Variants in SRSF4 observed in about 807,000 individuals in gnomAD.
SRSF4 encodes serine and arginine rich splicing factor 4.
Under a neutral mutation model 48.8 loss-of-function variants are expected in SRSF4, and 12 were observed. The observed-to-expected ratio is 0.25, with a 90% confidence interval of 0.16 to 0.40. The LOEUF (loss-of-function observed/expected upper bound fraction) is 0.40. Ranked by LOEUF, SRSF4 falls within the 10% of genes least tolerant of loss-of-function variation. The pLI, the probability that SRSF4 is intolerant of heterozygous loss-of-function variation, is 1.00. For missense variants in SRSF4, 466 were observed against 667.1 expected, an observed-to-expected ratio of 0.70 and a Z score of 3.32; for synonymous variants, 248 against 232.5, an observed-to-expected ratio of 1.07 and a Z score of -0.61.
At chr1:29,152,422 C>G (rs1558386896) in intron 4 of SRSF4, among the ~76,000 whole-genome samples, 1 of 152,072 alleles carries the variant, frequency 6.6e-6, no homozygotes, top group African/African-American at 2.4e-5. Flanking sequence ...GTCAAAAGAC[C>G]TAAATAACAA....
intron 4 of SRSF4, among the ~76,000 whole-genome samples, chr1:29,152,640 C>T (rs188938951): frequency 2.6e-5 from 4 of 152,186 alleles, no homozygotes; most frequent in South Asian, 4.2e-4. Flanking sequence ...ATTTTCTCGA[C>T]GGGCACGGTG....
intron 4 of SRSF4, among the ~76,000 whole-genome samples, chr1:29,153,969 T>C (rs1672456846): frequency 6.6e-6 from 1 of 152,058 alleles, no homozygotes; most frequent in Non-Finnish European, 1.5e-5. Flanking sequence ...CGATCTCGGC[T>C]CACTGCAACC....
intron 1 of SRSF4, among the ~76,000 whole-genome samples, chr1:29,181,234 G>A (rs1199491589): frequency 1.3e-5 from 2 of 152,206 alleles, no homozygotes; most frequent in Admixed American, 6.5e-5. Flanking sequence ...GAGGTGAAAG[G>A]GAGCAGGAAA....
intron 3 of SRSF4, among the ~76,000 whole-genome samples, chr1:29,158,319 T>TAC (rs1672532864): frequency 6.6e-6 from 1 of 152,176 alleles, no homozygotes; most frequent in Admixed American, 6.5e-5. Flanking sequence ...CCAGTAAGGA[T>TAC]ACACACTGAA....
intron 1 of SRSF4, among the ~76,000 whole-genome samples, chr1:29,180,388 C>A (rs1672936923): frequency 6.6e-6 from 1 of 152,170 alleles, no homozygotes; most frequent in Non-Finnish European, 1.5e-5. Flanking sequence ...TAAAAGAAAT[C>A]AGTACTTTAC....
At chr1:29,164,224 G>A (rs1193791069) in intron 1 of SRSF4, among the ~76,000 whole-genome samples, 1 of 152,194 alleles carries the variant, frequency 6.6e-6, no homozygotes, top group Non-Finnish European at 1.5e-5. Flanking sequence ...ACCAACAGAT[G>A]AAAAGGGATA....
rs749817332 is a variant in SRSF4, at chr1:29,159,326, C to CT, written c.363+47dup. On this transcript the variant is annotated intron_variant, in intron 3 of 5. Transcript: ENST00000373795. ...CTGCACAAATCTACCTGTTTCCCAA[C>CT]TTTAACTCCTGCCCAACCTTACCCC... 1.9e-5 allele frequency: 27 copies of CT among 1,392,668 alleles called. No homozygotes were observed. The African/African-American group carries it at 3.4e-4, about 18-fold the overall frequency. The allele number at this position is 1,392,668 out of a possible 1,614,324, so 86.3% of individuals were successfully genotyped here. A position where few individuals can be genotyped will look rare whatever the true frequency, so the allele number is the denominator to read the frequency against.
Position 29,148,912 on chromosome 1 carries a change from C to A in SRSF4, c.983G>T (p.Arg328Leu), listed in dbSNP as rs377019095. Residue 328 changes from arginine (R) to leucine (L), a missense_variant, in exon 6 of 6, where the codon CGC (arginine) becomes CTC (leucine). This residue lies in a region of SRSF4 where 402 missense variants were observed against 437.0 expected (regional missense o/e 0.92). Coordinates refer to ENST00000373795, the MANE Select transcript of SRSF4 (RefSeq NM_005626.5). Reference protein sequence around the residue: ...SRGRSQEKSLRQSRSRSRSKG... With the variant: ...SRGRSQEKSLLQSRSRSRSKG... ...GCTCCTGCTCCGGCTCCGACTCTGG[C>A]GGAGGCTCTTCTCCTGGCTCCTGCC... is the stretch of plus-strand genomic sequence containing the variant. 1.2e-6 allele frequency: 2 copies of A among 1,611,444 alleles called. 1 individual carries two copies. Among genetic ancestry groups the A allele is most frequent in the South Asian group, 2.2e-5 (2 of 90,974 alleles).
At chr1:29,171,888 G>A (rs1019544395) in intron 1 of SRSF4, 2 of 152,074 alleles carry the variant, frequency 1.3e-5, no homozygotes, top group Non-Finnish European at 2.9e-5. Flanking sequence ...TGAAGAACAG[G>A]GATTTTAAAT....
intron 2 of SRSF4, 118 bp from the exon 3 acceptor site, chr1:29,159,604 T>C: frequency 3.4e-6 from 2 of 581,158 alleles, no homozygotes. Flanking sequence ...TAGCACGTTT[T>C]AACTCTATTC....
intron 1 of SRSF4, among the ~76,000 whole-genome samples, chr1:29,163,197 T>C (rs1346146272): frequency 6.6e-6 from 1 of 152,214 alleles, no homozygotes; most frequent in African/African-American, 2.4e-5. Context: ...CCTCCCCCAG[T>C]ATTTACTTCT....
At chr1:29,163,686 C>A (rs572104284) in intron 1 of SRSF4, among the ~76,000 whole-genome samples, 1 of 152,294 alleles carries the variant, frequency 6.6e-6, no homozygotes, top group East Asian at 1.9e-4. Flanking sequence ...ATATTCATAG[C>A]ACCCATCAGC....
chr1:29,175,338 G>A (rs1409503025), intron 1 of SRSF4, among the ~76,000 whole-genome samples: 1 of 151,166 alleles, frequency 6.6e-6, no homozygotes, highest in East Asian at 2.0e-4. Flanking sequence ...GCTTGTACCT[G>A]GGAGGTGAGC....
In SRSF4 at chr1:29,148,483, C is replaced by A; in HGVS notation, c.1412G>T (p.Arg471Leu). 1 of 1,613,820 alleles carries A rather than the reference C, an allele frequency of 6.2e-7. No individual in the cohort carries two copies. The highest frequency in any genetic ancestry group is 1.1e-5 in the South Asian group (1 of 91,038). The change falls in exon 6 of 6, where the codon CGG (arginine) becomes CTG (leucine). Residue 471 changes from arginine (R) to leucine (L), a missense_variant. By Grantham distance (102) the Arg-to-Leu change is moderately radical. Around this residue, in one of 2 missense-constraint regions of SRSF4, gnomAD observed 402 missense variants for 437.0 expected, o/e 0.92. Transcript: ENST00000373795. Reference protein sequence around the residue: ...RSKSASKTRSRSKSRSRSASR... With the variant: ...RSKSASKTRSLSKSRSRSASR... ...AGCAGACCTGGATCTAGACTTGGAC[C>A]GAGATCGGGTTTTTGAAGCTGACTT... is the stretch of plus-strand genomic sequence containing the variant.
intron 4 of SRSF4, among the ~76,000 whole-genome samples, chr1:29,153,424 AG>A (rs113622809): frequency 3.4e-4 from 52 of 152,202 alleles, no homozygotes; most frequent in African/African-American, 1.2e-3. Flanking sequence ...CTGGGATTAC[AG>A]GTGTAAGCCA....
rs1299715372 is a variant in SRSF4 at position 29,181,881 on chromosome 1, G to A, written c.-129C>T. ...GGCGGGACGGACGCAGCCGAACCCC[G>A]GCGACGTACGCGAGCACGCAGCTCG... On this transcript the variant is annotated 5_prime_UTR_variant, in exon 1 of 6. Coordinates refer to ENST00000373795, the MANE Select transcript of SRSF4 (RefSeq NM_005626.5). 9.3e-6 allele frequency: 6 copies of A among 643,726 alleles called. No individual in the cohort carries two copies. The highest frequency in any genetic ancestry group is 7.7e-5 in the African/African-American group (4 of 51,622). The allele number at this position is 643,726 out of a possible 1,614,324, so 39.9% of individuals were successfully genotyped here.
chr1:29,153,881 G>A (rs970265281), intron 4 of SRSF4, among the ~76,000 whole-genome samples: 3 of 150,712 alleles, frequency 2.0e-5, no homozygotes, highest in East Asian at 4.0e-4. Context: ...GATTACAGGC[G>A]TGAGCCACTG....
rs1266339410 is a variant in SRSF4, at chr1:29,173,454, T to G, written c.107+8192A>C. The G allele has an allele frequency of 4.0e-5, 4 of 100,534 alleles. No homozygotes were observed. In the Admixed American group the frequency reaches 4.8e-4, roughly 12 times the overall value. The allele number at this position is 100,534 out of a possible 1,614,324, so 6.2% of individuals were successfully genotyped here. A position where few individuals can be genotyped will look rare whatever the true frequency, so the allele number is the denominator to read the frequency against. On this transcript the variant is annotated intron_variant, in intron 1 of 5. Transcript: ENST00000373795. ...CCACCACGCCTGGCCTAAAAAGTTG[T>G]TTTTTTTTTTTCTTTTTTTTTTTTT... is the stretch of plus-strand genomic sequence containing the variant.
intron 1 of SRSF4, among the ~76,000 whole-genome samples, chr1:29,176,721 G>A (rs1029697886): frequency 6.6e-6 from 1 of 152,134 alleles, no homozygotes; most frequent in Non-Finnish European, 1.5e-5. Context: ...CACTCGAAGA[G>A]TCTTGAACTC....
Sources: allele counts gnomAD v4.1 joint callset (sites outside exome capture counted in the v4.1 genomes callset), GRCh38; gene constraint gnomAD v4.1.1; regional missense constraint gnomAD v4.1.1; transcripts MANE v1.5; gene names NCBI Gene and HGNC (gene_info 2026-07-23, HGNC 2026-07-21).